RALGPS2: variants seen among roughly 807,000 people sequenced by gnomAD.
The protein encoded by RALGPS2 is ras-specific guanine nucleotide-releasing factor RalGPS2.
In RALGPS2, 43 loss-of-function variants were observed where a neutral mutation model predicts 86.8. That is an observed-to-expected ratio of 0.50 (90% CI 0.39 to 0.64). The LOEUF (loss-of-function observed/expected upper bound fraction) is 0.64. Ranked by LOEUF, RALGPS2 falls within the 30% of genes least tolerant of loss-of-function variation. RALGPS2 has a pLI of 0.00. For missense variants in RALGPS2, 536 were observed against 694.6 expected, an observed-to-expected ratio of 0.77 and a Z score of 2.57; for synonymous variants, 243 against 231.3, an observed-to-expected ratio of 1.05 and a Z score of -0.46.
intron 19 of RALGPS2, among the ~76,000 whole-genome samples, chr1:178,915,316 A>G (rs1163521610): frequency 1.3e-5 from 2 of 152,088 alleles, no homozygotes; most frequent in African/African-American, 2.4e-5. Flanking sequence ...GCTCACTGCA[A>G]CCTCTGCCTC....
intron 18 of RALGPS2, among the ~76,000 whole-genome samples, chr1:178,903,449 A>T (rs1165552995): frequency 6.6e-6 from 1 of 151,920 alleles, no homozygotes; most frequent in Non-Finnish European, 1.5e-5. Flanking sequence ...TGCACCCATC[A>T]CCCGAGCAGC....
chr1:178,758,515 A>G lies in RALGPS2; in HGVS notation c.-83-18167A>G, dbSNP rs545046466. 2.6e-5 allele frequency among the ~76,000 whole-genome samples: 4 copies of G among 152,010 alleles called. No individual in the cohort carries two copies. The South Asian group carries it at 6.2e-4, about 24-fold the overall frequency. On this transcript the variant is annotated intron_variant, in intron 1 of 19. Coordinates refer to ENST00000367635, the MANE Select transcript of RALGPS2 (RefSeq NM_152663.5). ...TTCTTTCTAACTGCTTTTTATACCC[A>G]TTATCTGTCACTTCCTACCCCCCCT...
intron 16 of RALGPS2, among the ~76,000 whole-genome samples, 160 bp from the exon 17 acceptor site, chr1:178,897,504 A>G (rs1558176998): frequency 6.6e-6 from 1 of 152,056 alleles, no homozygotes; most frequent in African/African-American, 2.4e-5. Flanking sequence ...TGGCAGTGAC[A>G]GGAGTATTTG....
intron 1 of RALGPS2, among the ~76,000 whole-genome samples, chr1:178,776,425 C>T (rs1653087290): frequency 6.6e-6 from 1 of 152,090 alleles, no homozygotes; most frequent in Non-Finnish European, 1.5e-5. Flanking sequence ...GCAATACCCA[C>T]TTAGCGAAAA....
At chr1:178,775,270 C>T (rs1419645384) in intron 1 of RALGPS2, among the ~76,000 whole-genome samples, 1 of 152,112 alleles carries the variant, frequency 6.6e-6, no homozygotes, top group African/African-American at 2.4e-5. Context: ...TGGGTTTACA[C>T]AGAGGTAATG....
intron 1 of RALGPS2, among the ~76,000 whole-genome samples, chr1:178,727,230 C>CT (rs76880384): frequency 0.014 from 2,078 of 146,282 alleles, 55 homozygotes; most frequent in African/African-American, 0.043. Flanking sequence ...TTATATTCCA[C>CT]TTTTTTTTTT....
intron 6 of RALGPS2, 121 bp downstream of exon 6, chr1:178,811,525 A>G (rs1654975386): frequency 2.9e-6 from 2 of 697,520 alleles, no homozygotes; most frequent in East Asian, 3.2e-5. Flanking sequence ...ACTCATTGAT[A>G]TAAGTCAATT....
chr1:178,726,057 C>G (rs1649979877), intron 1 of RALGPS2: 2 of 152,376 alleles, frequency 1.3e-5, no homozygotes, highest in Admixed American at 1.3e-4. Context: ...GGGTGTGGGG[C>G]AGGGGCCGCA....
chr1:178,784,397 C>G, intron 2 of RALGPS2, 21 bp from the exon 3 acceptor site: 1 of 1,571,648 alleles, frequency 6.4e-7, no homozygotes, highest in Non-Finnish European at 8.7e-7. Flanking sequence ...TAAAAGGCTG[C>G]ATTTTCTTTC....
At chr1:178,828,882 A>G (rs1201999813) in intron 7 of RALGPS2, among the ~76,000 whole-genome samples, 4 of 152,174 alleles carry the variant, frequency 2.6e-5, no homozygotes, top group African/African-American at 9.6e-5. Flanking sequence ...AAAAATAATA[A>G]TAGAACAATT....
intron 1 of RALGPS2, among the ~76,000 whole-genome samples, chr1:178,740,517 G>C (rs1650961497): frequency 6.6e-6 from 1 of 152,134 alleles, no homozygotes; most frequent in Non-Finnish European, 1.5e-5. Context: ...GTAGAGTCCT[G>C]TAAAACTAAA....
intron 1 of RALGPS2, among the ~76,000 whole-genome samples, chr1:178,744,038 C>T (rs1263463479): frequency 6.6e-6 from 1 of 152,162 alleles, no homozygotes; most frequent in Non-Finnish European, 1.5e-5. Context: ...CTTACTCAAA[C>T]TAGACAGACG....
intron 8 of RALGPS2, among the ~76,000 whole-genome samples, chr1:178,851,713 A>G (rs1164547775): frequency 1.3e-5 from 2 of 152,198 alleles, no homozygotes; most frequent in South Asian, 2.1e-4. Flanking sequence ...TACAAAGTAA[A>G]ATAAAACCAG....
At chr1:178,780,653 C>G (rs1432241592) in intron 2 of RALGPS2, among the ~76,000 whole-genome samples, 1 of 152,116 alleles carries the variant, frequency 6.6e-6, no homozygotes, top group Admixed American at 6.6e-5. Context: ...TTGCTGTTGT[C>G]TGTATAAACT....
intron 17 of RALGPS2, 25 bp from the exon 18 acceptor site, chr1:178,902,081 C>A: frequency 1.3e-6 from 2 of 1,552,390 alleles, no homozygotes; most frequent in Non-Finnish European, 1.8e-6. Flanking sequence ...TTTCTGTTTC[C>A]GCTAATTATC....
chr1:178,921,551 G>A lies in RALGPS2; in HGVS notation c.*5192G>A, dbSNP rs1572486611. The A allele has an allele frequency of 2.6e-5, 4 of 152,066 alleles. No homozygotes were observed. Among genetic ancestry groups the A allele is most frequent in the Admixed American group, 2.6e-4 (4 of 15,272 alleles). The allele number at this position is 152,066 out of a possible 1,614,324, so 9.4% of individuals were successfully genotyped here. A position where few individuals can be genotyped will look rare whatever the true frequency, so the allele number is the denominator to read the frequency against. Reference sequence around the variant, plus strand: ...GAACTGGTTCACAACATAATCTGAAGGAGATCAAACATCTGTAAGGACAGG... The same window carrying A: ...GAACTGGTTCACAACATAATCTGAAAGAGATCAAACATCTGTAAGGACAGG... On this transcript the variant is annotated 3_prime_UTR_variant, in exon 20 of 20. Coordinates refer to ENST00000367635, the MANE Select transcript of RALGPS2 (RefSeq NM_152663.5).
intron 1 of RALGPS2, among the ~76,000 whole-genome samples, chr1:178,740,791 C>T (rs1402644052): frequency 1.3e-5 from 2 of 152,134 alleles, no homozygotes; most frequent in Non-Finnish European, 2.9e-5. Flanking sequence ...TTCCTCCCCA[C>T]CCCCAGGAAA....
chr1:178,801,293 T>C (rs1000047323), intron 4 of RALGPS2, among the ~76,000 whole-genome samples: 1 of 152,122 alleles, frequency 6.6e-6, no homozygotes, highest in Non-Finnish European at 1.5e-5. Flanking sequence ...AGCCAATAGC[T>C]ATACTTTGCT....
chr1:178,824,155 G>A (rs1030383751), intron 7 of RALGPS2, among the ~76,000 whole-genome samples: 1 of 152,160 alleles, frequency 6.6e-6, no homozygotes, highest in African/African-American at 2.4e-5. Flanking sequence ...GGAAAGGATT[G>A]GTGACCTCGG....
Sources: gnomAD v4.1 joint callset for allele counts (sites outside exome capture counted in the v4.1 genomes callset) on GRCh38, gnomAD v4.1.1 for gene constraint, MANE v1.5 for transcripts, NCBI Gene and HGNC (gene_info 2026-07-23, HGNC 2026-07-21) for gene names.